ROBO2: variants seen among roughly 807,000 people sequenced by gnomAD.
ROBO2 encodes the protein roundabout guidance receptor 2, also known as roundabout homolog 2.
Under a neutral mutation model 160.8 loss-of-function variants are expected in ROBO2, and 53 were observed. The ratio of observed to expected loss-of-function variants is 0.33; its 90% CI spans 0.26 to 0.41. ROBO2 has a LOEUF of 0.41. Ranked by LOEUF, ROBO2 falls within the 10% of genes least tolerant of loss-of-function variation. The pLI, the probability that ROBO2 is intolerant of heterozygous loss-of-function variation, is 1.00. For missense variants in ROBO2, 1,577 were observed against 1,722.4 expected, an observed-to-expected ratio of 0.92 and a Z score of 1.49; for synonymous variants, 664 against 611.7, an observed-to-expected ratio of 1.09 and a Z score of -1.26.
intron 2 of ROBO2, among the ~76,000 whole-genome samples, chr3:76,126,101 A>G (rs2070977366): frequency 6.6e-6 from 1 of 152,172 alleles, no homozygotes; most frequent in Admixed American, 6.5e-5. Context: ...GGCGTGAGCC[A>G]CTGCACCCAG....
intron 2 of ROBO2, among the ~76,000 whole-genome samples, chr3:77,472,811 A>G (rs2083491572): frequency 6.6e-6 from 1 of 152,320 alleles, no homozygotes; most frequent in East Asian, 1.9e-4. Context: ...AAAAGCTGTT[A>G]TCTGAAAGAT....
intron 2 of ROBO2, among the ~76,000 whole-genome samples, chr3:77,191,370 C>T (rs1348549317): frequency 1.3e-5 from 2 of 152,060 alleles, no homozygotes; most frequent in African/African-American, 2.4e-5. Context: ...CTTAATTGCT[C>T]AGGGACTCGG....
At chr3:77,176,206 C>T (rs1205890873) in intron 2 of ROBO2, among the ~76,000 whole-genome samples, 2 of 151,598 alleles carry the variant, frequency 1.3e-5, no homozygotes, top group Non-Finnish European at 2.9e-5. Context: ...TACTTCAGAG[C>T]TAATTGAGAA....
chr3:77,364,108 A>C (rs2070475601), intron 2 of ROBO2, among the ~76,000 whole-genome samples: 1 of 152,202 alleles, frequency 6.6e-6, no homozygotes, highest in Non-Finnish European at 1.5e-5. Flanking sequence ...TATAATGCTT[A>C]ATTGCTAAAG....
chr3:77,116,195 T>C (rs1399632272), intron 2 of ROBO2, among the ~76,000 whole-genome samples: 1 of 152,206 alleles, frequency 6.6e-6, no homozygotes, highest in East Asian at 1.9e-4. Context: ...GCTCCATTCC[T>C]GGACAGTGAT....
At position 77,360,261 on chromosome 3, in the gene ROBO2, C is replaced by CG. The variant is rs1002513215; in HGVS notation, c.389-117153_389-117152insG. Reference sequence around the variant, plus strand: ...GTTAGAATGTAATGCAACCCCCCCCCCAAATTTAGAAGCCCAGGAGGGATT... The same window carrying CG: ...GTTAGAATGTAATGCAACCCCCCCCCGCAAATTTAGAAGCCCAGGAGGGATT... On this transcript the variant is annotated intron_variant, in intron 2 of 25. Coordinates refer to ENST00000461745, the Ensembl canonical transcript of ROBO2. Among the ~76,000 whole-genome samples the CG allele has an allele frequency of 9.9e-5, 15 of 151,148 alleles. No individual in the cohort carries two copies. In the East Asian group the frequency reaches 2.0e-3, roughly 20 times the overall value.
chr3:77,330,396 T>G (rs1208868514), intron 2 of ROBO2, among the ~76,000 whole-genome samples: 1 of 152,192 alleles, frequency 6.6e-6, no homozygotes, highest in Non-Finnish European at 1.5e-5. Context: ...CACATGCCGG[T>G]AATCTTAGCT....
chr3:76,477,083 C>A (rs1205662147), intron 2 of ROBO2, among the ~76,000 whole-genome samples: 1 of 152,158 alleles, frequency 6.6e-6, no homozygotes, highest in African/African-American at 2.4e-5. Context: ...ATCCTGTCTA[C>A]TCCGTGGAGG....
At chr3:76,838,595 T>G (rs1347981798) in intron 2 of ROBO2, among the ~76,000 whole-genome samples, 1 of 152,014 alleles carries the variant, frequency 6.6e-6, no homozygotes, top group Non-Finnish European at 1.5e-5. Context: ...CAAAATTACA[T>G]CAGGTGGCCA....
chr3:76,979,290 T>A (rs1365680265), intron 2 of ROBO2, among the ~76,000 whole-genome samples: 1 of 152,116 alleles, frequency 6.6e-6, no homozygotes, highest in African/African-American at 2.4e-5. Flanking sequence ...TGGTGAAGTC[T>A]GGGCTTTTAG....
chr3:76,010,604 C>T (rs1263919187), intron 2 of ROBO2, among the ~76,000 whole-genome samples: 1 of 152,212 alleles, frequency 6.6e-6, no homozygotes, highest in African/African-American at 2.4e-5. Context: ...TAACCACCTG[C>T]CTGATTTACT....
intron 2 of ROBO2, among the ~76,000 whole-genome samples, chr3:76,729,810 G>GT (rs1381464169): frequency 6.6e-6 from 1 of 151,814 alleles, no homozygotes; most frequent in African/African-American, 2.4e-5. Context: ...GCTAATTTTT[G>GT]TTTTTTTAGT....
intron 2 of ROBO2, among the ~76,000 whole-genome samples, chr3:77,156,978 T>C (rs1313418288): frequency 6.6e-6 from 1 of 152,036 alleles, no homozygotes; most frequent in Non-Finnish European, 1.5e-5. Flanking sequence ...ATACAAATTC[T>C]TGGACAACCA....
At chr3:77,627,301 A>G (rs1220222694) in intron 23 of ROBO2, among the ~76,000 whole-genome samples, 1 of 150,964 alleles carries the variant, frequency 6.6e-6, no homozygotes, top group Non-Finnish European at 1.5e-5. Flanking sequence ...TTTTTCTGAG[A>G]TGTTGTCTCG....
Position 77,294,730 on chromosome 3 carries a change from G to C in ROBO2, c.389-182684G>C, listed in dbSNP as rs1286879295. ...ACCAAAGACATGAAGTAAAATTGAT[G>C]GTTAAACGGGTAAGCTGAGGCTAGA... On this transcript the variant is annotated intron_variant, in intron 2 of 25. Coordinates refer to ENST00000461745, the Ensembl canonical transcript of ROBO2. Among the ~76,000 whole-genome samples, 6 of 148,574 alleles carry C rather than the reference G, an allele frequency of 4.0e-5. No individual in the cohort carries two copies. The South Asian group carries it at 1.3e-3, about 31-fold the overall frequency.
intron 6 of ROBO2, among the ~76,000 whole-genome samples, chr3:77,527,865 G>T (rs929120554): frequency 2.6e-5 from 4 of 151,426 alleles, no homozygotes; most frequent in Non-Finnish European, 5.9e-5. Flanking sequence ...GTATTTTAGG[G>T]ATATTTTTAG....
chr3:76,875,637 T>G (rs564268710), intron 2 of ROBO2, among the ~76,000 whole-genome samples: 6 of 152,220 alleles, frequency 3.9e-5, no homozygotes, highest in African/African-American at 1.2e-4. Context: ...ACTTCCTTTT[T>G]GGATTCAGAC....
At chr3:77,051,204 T>C (rs2065197942) in intron 1 of ROBO2, among the ~76,000 whole-genome samples, 1 of 152,162 alleles carries the variant, frequency 6.6e-6, no homozygotes, top group Admixed American at 6.5e-5. Context: ...AGTGTTTCAG[T>C]CCCACCTTTC....
Position 76,059,462 on chromosome 3 carries a change from C to T in ROBO2, c.109+121860C>T, listed in dbSNP as rs185224704. 1.9e-3 allele frequency among the ~76,000 whole-genome samples: 293 copies of T among 152,242 alleles called. 3 individuals carry two copies. Among genetic ancestry groups the T allele is most frequent in the African/African-American group, 6.8e-3 (282 of 41,554 alleles). On this transcript the variant is annotated intron_variant, in intron 2 of 26. Coordinates refer to the ROBO2 transcript ENST00000487694. ...ATAAATGTCTTCTTTTGAGAAGTGT[C>T]TATTCATATACTTTGCCCACTTTTT...
Sources: allele counts gnomAD v4.1 joint callset (sites outside exome capture counted in the v4.1 genomes callset), GRCh38; gene constraint gnomAD v4.1.1; transcripts MANE v1.5; gene names NCBI Gene and HGNC (gene_info 2026-07-23, HGNC 2026-07-21).